NFATC1: variants seen among roughly 807,000 people sequenced by gnomAD.
NFATC1 encodes nuclear factor of activated T-cells, cytoplasmic 1.
In NFATC1, 22 loss-of-function variants were observed where a neutral mutation model predicts 76.0. The observed-to-expected ratio is 0.29, with a 90% CI of 0.21 to 0.41. The LOEUF is 0.41. Ranked by LOEUF, NFATC1 falls within the 10% of genes least tolerant of loss-of-function variation. The pLI, the probability that NFATC1 is intolerant of heterozygous loss-of-function variation, is 1.00. For synonymous variants in NFATC1, 704 were observed against 613.1 expected (o/e 1.15, Z -2.19); for missense variants, 1,357 against 1,337.7 (o/e 1.01, Z -0.23).
chr18:79,461,984 G>A lies in NFATC1; in HGVS notation c.1959+618G>A, dbSNP rs367905407. On this transcript the variant is annotated intron_variant, in intron 7 of 9. Transcript: ENST00000427363. ...GCGGGCGGTGCATGTGTGCGGGGTCGTGGCAGACGCGTGGCTGGGTCACAC... is the reference window on the plus strand; with the variant it reads ...GCGGGCGGTGCATGTGTGCGGGGTCATGGCAGACGCGTGGCTGGGTCACAC... 4.4e-4 allele frequency among the ~76,000 whole-genome samples: 67 copies of A among 152,342 alleles called. 1 individual carries two copies. In the East Asian group the frequency reaches 0.012, roughly 28 times the overall value.
chr18:79,425,205 C>CTGTGT (rs796824489), intron 2 of NFATC1, among the ~76,000 whole-genome samples: 1,904 of 90,898 alleles, frequency 0.021, 57 homozygotes, highest in African/African-American at 0.03. Flanking sequence ...CTGTTTCTCT[C>CTGTGT]CCTGTCTCTG....
chr18:79,414,900 C>T (rs1002024609), intron 2 of NFATC1, among the ~76,000 whole-genome samples: 8 of 152,142 alleles, frequency 5.3e-5, no homozygotes, highest in Non-Finnish European at 7.3e-5. Context: ...CGAGAGTGCA[C>T]GTTGAAGGCT....
At chr18:79,526,218 G>A (rs1439162121) in intron 9 of NFATC1, among the ~76,000 whole-genome samples, 3 of 152,252 alleles carry the variant, frequency 2.0e-5, no homozygotes, top group Admixed American at 2.0e-4. Flanking sequence ...GCGAGCACCT[G>A]GGCCCTGTCG....
At chr18:79,490,508 C>G (rs1252020683) in intron 9 of NFATC1, among the ~76,000 whole-genome samples, 1 of 152,142 alleles carries the variant, frequency 6.6e-6, no homozygotes, top group Non-Finnish European at 1.5e-5. Flanking sequence ...TGCCGCCACC[C>G]TGGGAGACAG....
Position 79,491,778 on chromosome 18 carries a change from G to A in NFATC1, c.2782+4841G>A, listed in dbSNP as rs143100693. Among the ~76,000 whole-genome samples the A allele has an allele frequency of 8.5e-5, 13 of 152,320 alleles. No homozygotes were observed. The East Asian group carries it at 2.5e-3, about 30-fold the overall frequency. On this transcript the variant is annotated intron_variant, in intron 9 of 9. Coordinates refer to ENST00000427363, the MANE Select transcript of NFATC1 (RefSeq NM_001278669.2). The stretch of plus-strand genomic sequence containing the variant: ...TGGTGGATCGCAGAGCTGCGTGCGG[G>A]GAGAGGGGGAGACAGGCCAGCGTCT...
chr18:79,472,502 C>T (rs2088827729), intron 8 of NFATC1, among the ~76,000 whole-genome samples: 1 of 152,232 alleles, frequency 6.6e-6, no homozygotes, highest in Non-Finnish European at 1.5e-5. Context: ...AAGTCCACTG[C>T]ATGTAAAGCT....
chr18:79,500,547 A>G (rs2089990355), intron 9 of NFATC1, among the ~76,000 whole-genome samples: 2 of 152,140 alleles, frequency 1.3e-5, no homozygotes, highest in Non-Finnish European at 2.9e-5. Flanking sequence ...TGAGAAGAAA[A>G]AGCAATGAAA....
At chr18:79,405,481 C>T (rs1163029547) in intron 1 of NFATC1, among the ~76,000 whole-genome samples, 1 of 152,218 alleles carries the variant, frequency 6.6e-6, no homozygotes, top group Admixed American at 6.5e-5. Flanking sequence ...TTAAATAACT[C>T]AGATTTGAAT....
chr18:79,427,122 A>AG (rs1029593513), intron 2 of NFATC1, among the ~76,000 whole-genome samples: 8 of 152,012 alleles, frequency 5.3e-5, no homozygotes, highest in Non-Finnish European at 8.8e-5. Flanking sequence ...GCGTCTTGGC[A>AG]GGGGGGCCCG....
At chr18:79,483,163 T>C (rs1288338791) in intron 8 of NFATC1, among the ~76,000 whole-genome samples, 1 of 87,578 alleles carries the variant, frequency 1.1e-5, no homozygotes, top group Non-Finnish European at 2.2e-5. Context: ...AATTCCAGCG[T>C]GACCTGGTTC....
chr18:79,440,071 C>T (rs1319260778), intron 3 of NFATC1, among the ~76,000 whole-genome samples: 4 of 152,150 alleles, frequency 2.6e-5, no homozygotes, highest in African/African-American at 9.7e-5. Flanking sequence ...AAAATGTGGC[C>T]TGGGTCTCCT....
chr18:79,500,463 A>G (rs2089988821), intron 9 of NFATC1, among the ~76,000 whole-genome samples: 1 of 152,166 alleles, frequency 6.6e-6, no homozygotes, highest in Non-Finnish European at 1.5e-5. Context: ...TCAATAATCT[A>G]AGCTTTTTCC....
chr18:79,456,647 G>T (rs2087743804), intron 6 of NFATC1, among the ~76,000 whole-genome samples: 1 of 152,248 alleles, frequency 6.6e-6, no homozygotes, highest in South Asian at 2.1e-4. Context: ...TTCGGCCCTT[G>T]CTGTCCCTCC....
chr18:79,473,280 C>T (rs1312478539), intron 8 of NFATC1, among the ~76,000 whole-genome samples: 1 of 152,384 alleles, frequency 6.6e-6, no homozygotes, highest in East Asian at 1.9e-4. Context: ...ACTGAAGGCC[C>T]CACAACCACC....
chr18:79,473,605 CGTGTT>C (rs2144971013), intron 8 of NFATC1, among the ~76,000 whole-genome samples: 1 of 143,394 alleles, frequency 7.0e-6, no homozygotes, highest in African/African-American at 2.7e-5. Context: ...CTGAGGGAAG[CGTGTT>C]CTCACACTCA....
chr18:79,509,975 G>A (rs988974164), intron 9 of NFATC1, among the ~76,000 whole-genome samples: 5 of 152,232 alleles, frequency 3.3e-5, no homozygotes, highest in East Asian at 1.9e-4. Context: ...ATAAAGCCTC[G>A]TTGATCTTTG....
chr18:79,455,024 C>T (rs992088973), intron 6 of NFATC1, among the ~76,000 whole-genome samples: 17 of 152,314 alleles, frequency 1.1e-4, no homozygotes, highest in Middle Eastern at 3.4e-3. Context: ...GCCCGAAGAA[C>T]GCCCGCGTGA....
chr18:79,409,752 G>A (rs984928925), intron 1 of NFATC1, among the ~76,000 whole-genome samples: 20 of 152,190 alleles, frequency 1.3e-4, no homozygotes, highest in African/African-American at 4.8e-4. Flanking sequence ...CATTTTATGT[G>A]CCAGGCACAG....
chr18:79,515,978 G>C (rs373003844), intron 9 of NFATC1: 134 of 151,530 alleles, frequency 8.8e-4, no homozygotes, highest in African/African-American at 3.0e-3. Context: ...GACTAGATCC[G>C]TGGAAACACG....
Sources: gnomAD v4.1 joint callset for allele counts (sites outside exome capture counted in the v4.1 genomes callset) on GRCh38, gnomAD v4.1.1 for gene constraint, MANE v1.5 for transcripts, NCBI Gene and HGNC (gene_info 2026-07-23, HGNC 2026-07-21) for gene names.